The following PLCB1 variants were observed in gnomAD, a reference collection of about 807,000 sequenced individuals.
PLCB1 encodes the protein phospholipase C beta 1, also known as 1-phosphatidylinositol 4,5-bisphosphate phosphodiesterase beta-1.
A neutral mutation model predicts 161.8 loss-of-function variants in PLCB1; 46 were observed. The ratio of observed to expected loss-of-function variants is 0.28; its 90% CI spans 0.22 to 0.36. PLCB1 has a LOEUF of 0.36. PLCB1 is among the 10% of genes least tolerant of loss of function. The pLI, the probability that PLCB1 is intolerant of heterozygous loss-of-function variation, is 1.00. For missense variants in PLCB1, 1,016 were observed against 1,472.5 expected, an observed-to-expected ratio of 0.69 and a Z score of 5.07; for synonymous variants, 517 against 503.7, an observed-to-expected ratio of 1.03 and a Z score of -0.35.
At chr20:8,300,916 A>G (rs1215815866) in intron 2 of PLCB1, among the ~76,000 whole-genome samples, 1 of 152,170 alleles carries the variant, frequency 6.6e-6, no homozygotes, top group East Asian at 1.9e-4. Context: ...TAAGGACTTC[A>G]GCTAATAAAT....
chr20:8,310,891 A>G (rs941419026), intron 2 of PLCB1, among the ~76,000 whole-genome samples: 2 of 152,176 alleles, frequency 1.3e-5, no homozygotes, highest in Admixed American at 6.5e-5. Flanking sequence ...GCTGTAGAGG[A>G]CATGATTTGT....
chr20:8,868,445 T>G (rs1256613866), intron 31 of PLCB1, among the ~76,000 whole-genome samples: 4 of 152,206 alleles, frequency 2.6e-5, no homozygotes, highest in African/African-American at 9.7e-5. Flanking sequence ...CCCGATTATT[T>G]TGTGAAAGCA....
chr20:8,493,834 G>A (rs1195187246), intron 3 of PLCB1, among the ~76,000 whole-genome samples: 49 of 115,810 alleles, frequency 4.2e-4, no homozygotes, highest in African/African-American at 1.7e-3. Flanking sequence ...CTTGGTGTAC[G>A]AGAGTCTGCA....
At chr20:8,786,235 A>G (rs2327088) in intron 27 of PLCB1, among the ~76,000 whole-genome samples, 87,892 of 151,914 alleles carry the variant, frequency 0.58, 25,822 homozygotes, top group South Asian at 0.7. Flanking sequence ...CTAAATAGAG[A>G]CGTTGCAGGA....
intron 3 of PLCB1, among the ~76,000 whole-genome samples, chr20:8,537,134 G>A (rs988068162): frequency 6.6e-6 from 1 of 152,130 alleles, no homozygotes; most frequent in African/African-American, 2.4e-5. Context: ...GGCAGAAGAC[G>A]AGATAGAGGC....
intron 26 of PLCB1, among the ~76,000 whole-genome samples, chr20:8,766,614 A>G (rs761397892): frequency 2.0e-5 from 3 of 152,238 alleles, no homozygotes; most frequent in Non-Finnish European, 4.4e-5. Context: ...AACAGTTCAA[A>G]ATGTATCGAA....
At chr20:8,868,769 C>A (rs746769537) in intron 31 of PLCB1, among the ~76,000 whole-genome samples, 12 of 152,122 alleles carry the variant, frequency 7.9e-5, no homozygotes, top group Non-Finnish European at 1.6e-4. Context: ...GCAGCTGGGG[C>A]TACAGGCACC....
intron 3 of PLCB1, among the ~76,000 whole-genome samples, chr20:8,505,163 C>T (rs1253587915): frequency 6.6e-6 from 1 of 152,138 alleles, no homozygotes; most frequent in East Asian, 1.9e-4. Context: ...CTGTACCTAG[C>T]CAGATAGTTC....
chr20:8,144,458 C>T (rs532540524), intron 1 of PLCB1, among the ~76,000 whole-genome samples: 2 of 152,302 alleles, frequency 1.3e-5, no homozygotes, highest in East Asian at 3.9e-4. Context: ...CATTGCTTCT[C>T]TCCACTGTTT....
intron 2 of PLCB1, among the ~76,000 whole-genome samples, chr20:8,197,175 T>C (rs890632632): frequency 1.3e-5 from 2 of 152,166 alleles, no homozygotes; most frequent in Admixed American, 1.3e-4. Flanking sequence ...TTCCTTTGGG[T>C]ATATACCCAG....
chr20:8,267,449 C>G lies in PLCB1; in HGVS notation c.178-103933C>G, dbSNP rs560155792. Among the ~76,000 whole-genome samples, 35 of 152,250 alleles carry G rather than the reference C, an allele frequency of 2.3e-4. 1 individual carries two copies. In the Middle Eastern group the frequency reaches 0.01, roughly 44 times the overall value. ...GCTCCAGAACTCCCTTGGGTCCACG[C>G]TCAGGGTGGACTCCAGCTGAGGCCA... On this transcript the variant is annotated intron_variant, in intron 2 of 31. Coordinates refer to ENST00000338037, the MANE Select transcript of PLCB1 (RefSeq NM_015192.4).
intron 23 of PLCB1, among the ~76,000 whole-genome samples, chr20:8,755,995 G>T (rs1981717447): frequency 6.6e-6 from 1 of 152,202 alleles, no homozygotes; most frequent in Non-Finnish European, 1.5e-5. Flanking sequence ...GATGGCTTTT[G>T]CAGAGTCTTT....
intron 2 of PLCB1, among the ~76,000 whole-genome samples, chr20:8,320,054 G>A (rs12481433): frequency 6.6e-6 from 1 of 152,062 alleles, no homozygotes; most frequent in African/African-American, 2.4e-5. Context: ...TTTGGGTGAA[G>A]AAGATGAGAC....
chr20:8,790,332 G>C (rs1359559074), intron 31 of PLCB1, 71 bp downstream of exon 31: 3 of 1,163,976 alleles, frequency 2.6e-6, no homozygotes, highest in Non-Finnish European at 3.8e-6. Context: ...AAACCTTCCT[G>C]GTTTACATAA....
At chr20:8,727,269 C>A in intron 16 of PLCB1, 40 bp from the exon 17 acceptor site, 1 of 966,082 alleles carries the variant, frequency 1.0e-6, no homozygotes. Flanking sequence ...AATTGTATTT[C>A]TCACCTTCCC....
chr20:8,369,939 G>A (rs1203884518), intron 2 of PLCB1, among the ~76,000 whole-genome samples: 1 of 152,132 alleles, frequency 6.6e-6, no homozygotes, highest in African/African-American at 2.4e-5. Flanking sequence ...AATCAGACCA[G>A]TTTGCACCAG....
intron 9 of PLCB1, among the ~76,000 whole-genome samples, chr20:8,662,556 A>G (rs559681086): frequency 2.0e-3 from 283 of 144,992 alleles, no homozygotes; most frequent in African/African-American, 6.7e-3. Flanking sequence ...TATTTATCAT[A>G]TAATTACAAT....
chr20:8,727,879 C>A (rs567288578), intron 17 of PLCB1, among the ~76,000 whole-genome samples: 1 of 152,080 alleles, frequency 6.6e-6, no homozygotes, highest in African/African-American at 2.4e-5. Context: ...TATAAATATA[C>A]ATTACTAAGA....
intron 19 of PLCB1, among the ~76,000 whole-genome samples, chr20:8,734,362 G>C (rs1980473248): frequency 6.6e-6 from 1 of 151,544 alleles, no homozygotes; most frequent in Non-Finnish European, 1.5e-5. Context: ...TCCCCGTTTG[G>C]TTCTTAGAAA....
Sources: allele counts gnomAD v4.1 joint callset (sites outside exome capture counted in the v4.1 genomes callset), GRCh38; gene constraint gnomAD v4.1.1; transcripts MANE v1.5; gene names NCBI Gene and HGNC (gene_info 2026-07-23, HGNC 2026-07-21).